HHIPL1: variants seen among roughly 807,000 people sequenced by gnomAD.
HHIPL1 encodes HHIP like 1.
Under a neutral mutation model 61.8 loss-of-function variants are expected in HHIPL1, and 43 were observed. The ratio of observed to expected loss-of-function variants is 0.70; its 90% CI spans 0.55 to 0.90. The LOEUF is 0.90. HHIPL1 is among the 40% of genes least tolerant of loss of function. The pLI, the probability that HHIPL1 is intolerant of heterozygous loss-of-function variation, is 0.00. For synonymous variants in HHIPL1, 482 were observed against 515.8 expected (o/e 0.93, Z 0.89); for missense variants, 1,056 against 1,157.7 (o/e 0.91, Z 1.28).
chr14:99,634,437 G>A, the HHIPL1 span, among the ~76,000 whole-genome samples: 2 of 152,134 alleles, frequency 1.3e-5, no homozygotes, highest in African/African-American at 2.4e-5. Flanking sequence ...TAAATGAACC[G>A]GGCTTTGGCT....
At chr14:99,637,054 G>A in the HHIPL1 span, among the ~76,000 whole-genome samples, 1,082 of 57,792 alleles carry the variant, frequency 0.019, 36 homozygotes, top group African/African-American at 0.024. Flanking sequence ...AAAGAAGGAA[G>A]GAAGGAAAAA....
the HHIPL1 span, among the ~76,000 whole-genome samples, chr14:99,614,612 A>G: frequency 6.6e-6 from 1 of 152,208 alleles, no homozygotes; most frequent in African/African-American, 2.4e-5. Flanking sequence ...GCTCTGAGCT[A>G]CATGAGGCAC....
chr14:99,666,430 C>T (rs961452993), intron 6 of HHIPL1, among the ~76,000 whole-genome samples: 9 of 152,214 alleles, frequency 5.9e-5, no homozygotes, highest in South Asian at 2.1e-4. Flanking sequence ...CAGCAGATCA[C>T]GGCTGGAAGG....
chr14:99,668,351 T>C lies in HHIPL1; in HGVS notation c.1730+48T>C, dbSNP rs531853738. Reference sequence around the variant, plus strand: ...GGGAGCTCCTGCTGTCTGTCAGGCCTCTTAGCTCCACGGGCTTGTCCCCTC... The same window carrying C: ...GGGAGCTCCTGCTGTCTGTCAGGCCCCTTAGCTCCACGGGCTTGTCCCCTC... On this transcript the variant is annotated intron_variant, in intron 7 of 8. Transcript: ENST00000330710. The surrounding 1 kb of genome is among the most constrained non-coding windows in gnomAD (Gnocchi z 4.7). The C allele has an allele frequency of 1.8e-6, 2 of 1,138,536 alleles. No individual in the cohort carries two copies. The highest frequency in any genetic ancestry group is 3.4e-5 in the Admixed American group (2 of 59,388). The allele number at this position is 1,138,536 out of a possible 1,614,324, so 70.5% of individuals were successfully genotyped here. A position where few individuals can be genotyped will look rare whatever the true frequency, so the allele number is the denominator to read the frequency against.
upstream of HHIPL1, among the ~76,000 whole-genome samples, chr14:99,644,466 G>C (rs1318477029): frequency 6.6e-6 from 1 of 151,910 alleles, no homozygotes; most frequent in Non-Finnish European, 1.5e-5. Flanking sequence ...ATGTGTGTGG[G>C]GGGGTGGGGC....
At chr14:99,635,164 G>A in the HHIPL1 span, among the ~76,000 whole-genome samples, 1 of 152,162 alleles carries the variant, frequency 6.6e-6, no homozygotes, top group Non-Finnish European at 1.5e-5. Context: ...GTCCCAGGGA[G>A]GAAGTATCCC....
At chr14:99,636,156 G>GA in the HHIPL1 span, among the ~76,000 whole-genome samples, 1 of 152,184 alleles carries the variant, frequency 6.6e-6, no homozygotes, top group Admixed American at 6.5e-5. Flanking sequence ...ATGTGGTGGG[G>GA]AATGACTGGC....
At chr14:99,646,822 G>C (rs374135993) in intron 1 of HHIPL1, among the ~76,000 whole-genome samples, 3 of 89,444 alleles carry the variant, frequency 3.4e-5, no homozygotes, top group African/African-American at 1.3e-4. Flanking sequence ...GATATGATAT[G>C]ATATGATATG....
chr14:99,651,295 A>ACAAAG (rs1363023409), intron 1 of HHIPL1, among the ~76,000 whole-genome samples: 5 of 151,872 alleles, frequency 3.3e-5, no homozygotes, highest in Admixed American at 1.3e-4. Context: ...ACAAAACAAA[A>ACAAAG]CTGGGTAATT....
At chr14:99,650,640 G>C (rs1022760075) in intron 1 of HHIPL1, among the ~76,000 whole-genome samples, 5 of 152,214 alleles carry the variant, frequency 3.3e-5, no homozygotes, top group African/African-American at 1.2e-4. Context: ...GCTCCCTTCT[G>C]CTGTCTCTGC....
intron 2 of HHIPL1, among the ~76,000 whole-genome samples, chr14:99,653,789 C>T (rs1361050335): frequency 6.6e-6 from 1 of 152,194 alleles, no homozygotes; most frequent in Non-Finnish European, 1.5e-5. Flanking sequence ...CCTGACCTTG[C>T]ACGTGGGGCA....
At chr14:99,645,015 TGCGCCGCGTCCCTCTTCCTTCAGTCCC>T (rs1016930719), upstream of HHIPL1, 3 of 437,088 alleles carry the variant, frequency 6.9e-6, no homozygotes, top group Non-Finnish European at 1.1e-5. Flanking sequence ...TGCCGCATTC[TGCGCCGCGTCCCTCTTCCTTCAGTCCC>T]GCCGAGTGTC....
chr14:99,675,805 C>A lies in HHIPL1; in HGVS notation c.*179C>A. 1.8e-6 allele frequency: 1 copy of A among 556,598 alleles called. No homozygotes were observed. The highest frequency in any genetic ancestry group is 2.9e-6 in the Non-Finnish European group (1 of 340,310). The allele number at this position is 556,598 out of a possible 1,614,324, so 34.5% of individuals were successfully genotyped here. On this transcript the variant is annotated 3_prime_UTR_variant, in exon 9 of 9. Transcript: ENST00000330710. This position sits in a 1 kb window ranked among gnomAD's most constrained non-coding sequence, Gnocchi z 5.4. The stretch of plus-strand genomic sequence containing the variant: ...ATGTGTGTCCTCTGCAGACCCAAGG[C>A]AGGAGTGTGTGTTGGGGGCGGTGTG...
At position 99,675,469 on chromosome 14, in the gene HHIPL1, G is replaced by C; in HGVS notation, c.2192G>C (p.Gly731Ala). The change falls in exon 9 of 9, where the codon GGC becomes GCC. Residue 731 changes from glycine (G) to alanine (A), a missense_variant. Physicochemically the swap from Gly to Ala is moderately conservative, Grantham distance 60 (BLOSUM62 0). Coordinates refer to ENST00000330710, the MANE Select transcript of HHIPL1 (RefSeq NM_001127258.3). The surrounding 1 kb of genome is among the most constrained non-coding windows in gnomAD (Gnocchi z 5.4). Reference protein sequence around the residue: ...AVRAVKRAEFGQGGSLPILLD... With the variant: ...AVRAVKRAEFAQGGSLPILLD... ...CGCGCCGTCAAGAGAGCCGAGTTCG[G>C]CCAGGGCGGCTCGCTGCCCATTCTG... is the stretch of plus-strand genomic sequence containing the variant. The C allele has an allele frequency of 6.5e-7, 1 of 1,540,982 alleles. No homozygotes were observed. Among genetic ancestry groups the C allele is most frequent in the South Asian group, 1.2e-5 (1 of 83,948 alleles).
intron 6 of HHIPL1, among the ~76,000 whole-genome samples, chr14:99,664,912 T>TTC (rs1323567281): frequency 6.1e-5 from 8 of 131,592 alleles, no homozygotes; most frequent in African/African-American, 1.8e-4. Flanking sequence ...CCATTTTTTT[T>TTC]TTCTTTTTTT....
chr14:99,651,590 C>G (rs1210468442), intron 1 of HHIPL1, among the ~76,000 whole-genome samples: 2 of 152,156 alleles, frequency 1.3e-5, no homozygotes, highest in Non-Finnish European at 2.9e-5. Context: ...TCACCTCCCA[C>G]CAGGCTCCTC....
Position 99,660,934 on chromosome 14 carries a change from G to T in HHIPL1, c.1502+528G>T, listed in dbSNP as rs1441211019. Among the ~76,000 whole-genome samples, 2 of 152,204 alleles carry T rather than the reference G, an allele frequency of 1.3e-5. No individual in the cohort carries two copies. Among genetic ancestry groups the T allele is most frequent in the African/African-American group, 4.8e-5 (2 of 41,460 alleles). On this transcript the variant is annotated intron_variant, in intron 5 of 8. Coordinates refer to ENST00000330710, the MANE Select transcript of HHIPL1 (RefSeq NM_001127258.3). This position sits in a 1 kb window ranked among gnomAD's most constrained non-coding sequence, Gnocchi z 4.9. The stretch of plus-strand genomic sequence containing the variant: ...TGGCTGCCCATGGGCCTCCTAATGG[G>T]GAGAGGAGGAGGTGGGGCTCTTGTG...
chr14:99,621,159 T>G, the HHIPL1 span, among the ~76,000 whole-genome samples: 2 of 151,160 alleles, frequency 1.3e-5, no homozygotes, highest in Non-Finnish European at 2.9e-5. Flanking sequence ...AGTGCAGTGG[T>G]GCAATCTCAG....
chr14:99,676,599 C>T lies in HHIPL1; in HGVS notation c.*973C>T, dbSNP rs1350032512. 6.6e-6 allele frequency: 1 copy of T among 152,408 alleles called. No homozygotes were observed. Among genetic ancestry groups the T allele is most frequent in the African/African-American group, 2.4e-5 (1 of 41,460 alleles). The allele number at this position is 152,408 out of a possible 1,614,324, so 9.4% of individuals were successfully genotyped here. Reference sequence around the variant, plus strand: ...CCTCCAGCCCTACCTCGGGGCTGACCAGGCTGGGGGTCCAGTGAAACTACT... The same window carrying T: ...CCTCCAGCCCTACCTCGGGGCTGACTAGGCTGGGGGTCCAGTGAAACTACT... On this transcript the variant is annotated 3_prime_UTR_variant, in exon 9 of 9. Coordinates refer to ENST00000330710, the MANE Select transcript of HHIPL1 (RefSeq NM_001127258.3).
Sources: gnomAD v4.1 joint callset for allele counts (sites outside exome capture counted in the v4.1 genomes callset) on GRCh38, gnomAD v4.1.1 for gene constraint, Gnocchi (gnomAD v3.1) non-coding constraint, MANE v1.5 for transcripts, NCBI Gene and HGNC (gene_info 2026-07-23, HGNC 2026-07-21) for gene names.